Variants in MARCHF1 observed in about 807,000 individuals in gnomAD.
The protein encoded by MARCHF1 is membrane associated ring-CH-type finger 1, also known as E3 ubiquitin-protein ligase MARCHF1.
A neutral mutation model predicts 54.2 loss-of-function variants in MARCHF1; 40 were observed. The ratio of observed to expected loss-of-function variants is 0.74; its 90% confidence interval spans 0.57 to 0.96. The LOEUF is 0.96. MARCHF1 is among the 40% of genes least tolerant of loss of function. The probability of loss-of-function intolerance (pLI) is 0.00; values close to 1 mark genes in which losing one functional copy is unlikely to be tolerated. For synonymous variants in MARCHF1, 236 were observed against 236.3 expected (o/e 1.00, Z 0.01); for missense variants, 586 against 656.5 (o/e 0.89, Z 1.17).
chr4:164,290,044 C>T (rs1734249576), intron 1 of MARCHF1, among the ~76,000 whole-genome samples: 2 of 152,026 alleles, frequency 1.3e-5, no homozygotes, highest in Admixed American at 1.3e-4. Flanking sequence ...TACACACACA[C>T]AGACACACAA....
intron 4 of MARCHF1, among the ~76,000 whole-genome samples, chr4:163,815,970 T>C (rs1748521311): frequency 6.6e-6 from 1 of 152,206 alleles, no homozygotes; most frequent in African/African-American, 2.4e-5. Context: ...CCAAGTAATA[T>C]GTTCAAGGGA....
chr4:163,767,277 G>A (rs1026573530), intron 4 of MARCHF1, among the ~76,000 whole-genome samples: 4 of 150,322 alleles, frequency 2.7e-5, no homozygotes, highest in South Asian at 2.1e-4. Context: ...ATTAATTTGC[G>A]TTCTGCCTAG....
At chr4:163,628,321 T>C (rs1003581786) in intron 5 of MARCHF1, among the ~76,000 whole-genome samples, 42 of 152,178 alleles carry the variant, frequency 2.8e-4, no homozygotes, top group African/African-American at 9.9e-4. Flanking sequence ...ATTATCTCAA[T>C]AGATGCAGAA....
intron 1 of MARCHF1, among the ~76,000 whole-genome samples, chr4:164,239,761 A>G (rs1732672479): frequency 6.6e-6 from 1 of 152,160 alleles, no homozygotes; most frequent in Non-Finnish European, 1.5e-5. Flanking sequence ...GAACACTCAC[A>G]AAATAATTTT....
chr4:164,129,262 T>C (rs938621404), intron 1 of MARCHF1, among the ~76,000 whole-genome samples: 23 of 152,210 alleles, frequency 1.5e-4, no homozygotes, highest in African/African-American at 5.5e-4. Flanking sequence ...ATGCGATTTG[T>C]CGTTCGGAAA....
chr4:164,123,903 G>A (rs766461783), intron 1 of MARCHF1, among the ~76,000 whole-genome samples: 1 of 151,870 alleles, frequency 6.6e-6, no homozygotes, highest in East Asian at 1.9e-4. Context: ...GGACAAATGG[G>A]GTCACATCAA....
intron 1 of MARCHF1, among the ~76,000 whole-genome samples, chr4:164,113,413 G>C (rs1273020291): frequency 6.6e-6 from 1 of 151,754 alleles, no homozygotes; most frequent in Non-Finnish European, 1.5e-5. Context: ...ACATCCTTTT[G>C]TGTCATATGG....
intron 1 of MARCHF1, among the ~76,000 whole-genome samples, chr4:164,364,166 C>A (rs1730808694): frequency 6.6e-6 from 1 of 151,970 alleles, no homozygotes; most frequent in Non-Finnish European, 1.5e-5. Flanking sequence ...TTTTTAATAA[C>A]CTTTAGTCAG....
intron 4 of MARCHF1, among the ~76,000 whole-genome samples, chr4:163,752,877 T>C (rs1021107539): frequency 6.6e-6 from 1 of 152,200 alleles, no homozygotes; most frequent in Non-Finnish European, 1.5e-5. Context: ...AATGCATTGC[T>C]ATCACTAGTA....
intron 1 of MARCHF1, among the ~76,000 whole-genome samples, chr4:164,225,151 AC>A (rs1363515999): frequency 6.6e-6 from 1 of 152,050 alleles, no homozygotes; most frequent in Non-Finnish European, 1.5e-5. Flanking sequence ...TAATTGCCTT[AC>A]CCTGCACATA....
intron 2 of MARCHF1, among the ~76,000 whole-genome samples, chr4:164,061,062 C>G (rs766578971): frequency 1.3e-5 from 2 of 152,046 alleles, no homozygotes; most frequent in Admixed American, 6.5e-5. Context: ...TTTATCCATA[C>G]GATTTGTAAG....
chr4:163,741,932 T>C (rs1746208130), intron 4 of MARCHF1, among the ~76,000 whole-genome samples: 1 of 152,224 alleles, frequency 6.6e-6, no homozygotes, highest in Non-Finnish European at 1.5e-5. Context: ...AACATACAAT[T>C]TGTTATTTTA....
intron 3 of MARCHF1, among the ~76,000 whole-genome samples, chr4:163,965,002 C>T (rs956167145): frequency 1.3e-5 from 2 of 151,870 alleles, no homozygotes; most frequent in Admixed American, 1.3e-4. Context: ...TTTGCTATGA[C>T]ATTGCATGGC....
In MARCHF1 at chr4:163,528,649, G is replaced by T. The variant is rs894108938; in HGVS notation, c.*99C>A. On this transcript the variant is annotated 3_prime_UTR_variant, in exon 10 of 10. Coordinates refer to ENST00000514618, the MANE Select transcript of MARCHF1 (RefSeq NM_001394959.1). ...AAAATGTGTCAGTAGGAGAAAGGAG[G>T]AGCTGAAGGGAGTAAATAATTCAAG... 3.3e-6 allele frequency: 4 copies of T among 1,214,664 alleles called. No homozygotes were observed. Among genetic ancestry groups the T allele is most frequent in the South Asian group, 1.5e-5 (1 of 65,226 alleles). The allele number at this position is 1,214,664 out of a possible 1,614,324, so 75.2% of individuals were successfully genotyped here.
intron 4 of MARCHF1, among the ~76,000 whole-genome samples, chr4:163,822,061 TTTAA>T (rs1748707712): frequency 6.6e-6 from 1 of 151,902 alleles, no homozygotes; most frequent in African/African-American, 2.4e-5. Flanking sequence ...TGCCAAAACT[TTTAA>T]TTACTTTTTA....
intron 3 of MARCHF1, among the ~76,000 whole-genome samples, chr4:163,923,766 TAA>T (rs201402327): frequency 1.4e-4 from 20 of 141,308 alleles, no homozygotes; most frequent in South Asian, 2.2e-4. Flanking sequence ...GATAGAATTG[TAA>T]AAAAAAAAAA....
At chr4:163,950,811 G>A (rs775439539) in intron 3 of MARCHF1, among the ~76,000 whole-genome samples, 3 of 152,182 alleles carry the variant, frequency 2.0e-5, no homozygotes, top group African/African-American at 7.2e-5. Flanking sequence ...TATTGAGTAC[G>A]TAAATTTATG....
chr4:164,058,654 C>A (rs985694620), intron 2 of MARCHF1, among the ~76,000 whole-genome samples: 2 of 152,190 alleles, frequency 1.3e-5, no homozygotes, highest in Non-Finnish European at 2.9e-5. Context: ...CCCCATCTCC[C>A]TAGGACAGGC....
At chr4:163,880,863 A>G (rs1234173989) in intron 3 of MARCHF1, among the ~76,000 whole-genome samples, 1 of 152,194 alleles carries the variant, frequency 6.6e-6, no homozygotes, top group Non-Finnish European at 1.5e-5. Flanking sequence ...TAAAACTTAA[A>G]TATTTGACAT....
Sources: gnomAD v4.1 joint callset for allele counts (sites outside exome capture counted in the v4.1 genomes callset) on GRCh38, gnomAD v4.1.1 for gene constraint, MANE v1.5 for transcripts, NCBI Gene and HGNC (gene_info 2026-07-23, HGNC 2026-07-21) for gene names.